The following RTN1 variants were observed in gnomAD, a reference collection of about 807,000 sequenced individuals.
RTN1 encodes reticulon 1, also known as reticulon-1.
RTN1 carries 25 observed loss-of-function variants against 65.5 expected under a neutral mutation model. The observed-to-expected ratio is 0.38, with a 90% CI of 0.28 to 0.53. The LOEUF is 0.53. Among genes scored for constraint, RTN1 ranks in the 20% least tolerant of loss-of-function variants. The pLI is 0.79. For missense variants in RTN1, 983 were observed against 1,025.4 expected (o/e 0.96, Z 0.57); for synonymous variants, 471 against 447.6 (o/e 1.05, Z -0.66).
At chr14:59,770,259 T>C (rs796668976) in intron 1 of RTN1, among the ~76,000 whole-genome samples, 53 of 151,012 alleles carry the variant, frequency 3.5e-4, no homozygotes, top group African/African-American at 1.1e-3. Flanking sequence ...ACGCCTGTAA[T>C]CCCAGCTACT....
intron 1 of RTN1, among the ~76,000 whole-genome samples, chr14:59,834,222 T>A (rs926444139): frequency 6.6e-6 from 1 of 152,110 alleles, no homozygotes; most frequent in East Asian, 1.9e-4. Context: ...ACTTAAAATA[T>A]GGACCTATAT....
intron 3 of RTN1, among the ~76,000 whole-genome samples, chr14:59,627,215 C>T (rs1594640002): frequency 6.6e-6 from 1 of 152,196 alleles, no homozygotes; most frequent in Non-Finnish European, 1.5e-5. Context: ...TAAGCCTACA[C>T]AATCACCATT....
intron 3 of RTN1, among the ~76,000 whole-genome samples, chr14:59,658,658 A>C (rs1268801135): frequency 6.6e-6 from 1 of 152,212 alleles, no homozygotes; most frequent in Non-Finnish European, 1.5e-5. Context: ...TTAGAAGGGA[A>C]GCTAACAAAC....
intron 2 of RTN1, among the ~76,000 whole-genome samples, chr14:59,742,180 G>T (rs1885128629): frequency 6.6e-6 from 1 of 152,212 alleles, no homozygotes; most frequent in Non-Finnish European, 1.5e-5. Context: ...AGCAATGGTA[G>T]TTTTCAAATT....
Position 59,772,125 on chromosome 14 carries a change from A to T in RTN1, c.242-25644T>A, listed in dbSNP as rs938852558. On this transcript the variant is annotated intron_variant, in intron 1 of 8. Transcript: ENST00000267484. ...CTGAGAATACATGCTACTGACTGAAAAATAAAGTTTTTAGTTAATCAACTG... is the reference window on the plus strand; with the variant it reads ...CTGAGAATACATGCTACTGACTGAATAATAAAGTTTTTAGTTAATCAACTG... Among the ~76,000 whole-genome samples the T allele has an allele frequency of 2.6e-5, 4 of 152,226 alleles. 1 individual carries two copies. Among genetic ancestry groups the T allele is most frequent in the African/African-American group, 9.6e-5 (4 of 41,460 alleles).
In RTN1 at chr14:59,836,463, T is replaced by C. The variant is rs1210484011; in HGVS notation, c.241+33927A>G. On this transcript the variant is annotated intron_variant, in intron 1 of 8. Transcript: ENST00000267484. This position sits in a 1 kb window ranked among gnomAD's most constrained non-coding sequence, Gnocchi z 4.9. ...ACTAATTTTTCCAGTTCTTACATCT[T>C]CTTTGTAAGTCATGCTTTTAAGAGG... Among the ~76,000 whole-genome samples the C allele has an allele frequency of 6.6e-6, 1 of 152,224 alleles. No individual in the cohort carries two copies. The highest frequency in any genetic ancestry group is 2.4e-5 in the African/African-American group (1 of 41,464).
chr14:59,753,981 C>T (rs574355747), intron 1 of RTN1, among the ~76,000 whole-genome samples: 1 of 152,208 alleles, frequency 6.6e-6, no homozygotes, highest in Non-Finnish European at 1.5e-5. Context: ...TGTTAACCTA[C>T]AGATGCCCTC....
At chr14:59,769,551 C>T (rs1229248330) in intron 1 of RTN1, among the ~76,000 whole-genome samples, 1 of 152,182 alleles carries the variant, frequency 6.6e-6, no homozygotes, top group Non-Finnish European at 1.5e-5. Context: ...TAAAACCAGA[C>T]CCACAGCAGA....
At chr14:59,647,152 A>C (rs1882915671) in intron 3 of RTN1, 1 of 152,226 alleles carries the variant, frequency 6.6e-6, no homozygotes, top group South Asian at 2.1e-4. Context: ...CAGGGGTTGC[A>C]ATCCCAATCT....
rs1213647108 is a variant in RTN1 at position 59,774,777 on chromosome 14, C to T, written c.242-28296G>A. ...GTGGTATGGTAAAATCAGCCAACAG[C>T]CAACTCACAACATCTCCCCAAGGAG... is the stretch of plus-strand genomic sequence containing the variant. On this transcript the variant is annotated intron_variant, in intron 1 of 8. Transcript: ENST00000267484. The surrounding 1 kb of genome is among the most constrained non-coding windows in gnomAD (Gnocchi z 5.1). Among the ~76,000 whole-genome samples the T allele has an allele frequency of 1.6e-4, 25 of 152,114 alleles. No individual in the cohort carries two copies. The highest frequency in any genetic ancestry group is 1.6e-3 in the Admixed American group (25 of 15,264).
rs1885309903 is a variant in RTN1 at position 59,749,192 on chromosome 14, ATATATCTATATATATATCTATATATATC to A, written c.242-2739_242-2712del. On this transcript the variant is annotated intron_variant, in intron 1 of 8. Transcript: ENST00000267484. ...TATATCTATCTATATATCTATCTAT[ATATATCTATATATATATCTATATATATC>A]TATATATCTATATATATCTATATAT... Among the ~76,000 whole-genome samples the A allele has an allele frequency of 7.9e-5, 7 of 88,208 alleles. 1 individual carries two copies. Among genetic ancestry groups the A allele is most frequent in the African/African-American group, 1.3e-4 (2 of 15,218 alleles). The allele number at this position is 88,208 out of a possible 152,430, so 57.9% of individuals were successfully genotyped here.
At chr14:59,661,696 C>T (rs944829400) in intron 3 of RTN1, among the ~76,000 whole-genome samples, 5 of 152,180 alleles carry the variant, frequency 3.3e-5, no homozygotes, top group Non-Finnish European at 7.3e-5. Flanking sequence ...CGATAAAATT[C>T]AACACCCCAT....
intron 1 of RTN1, among the ~76,000 whole-genome samples, chr14:59,858,342 G>A (rs140399625): frequency 1.2e-4 from 18 of 152,218 alleles, no homozygotes; most frequent in African/African-American, 4.1e-4. Flanking sequence ...ATTTTGAGAA[G>A]CCCTGATTTT....
At chr14:59,660,601 A>G (rs138555741) in intron 3 of RTN1, among the ~76,000 whole-genome samples, 2 of 152,334 alleles carry the variant, frequency 1.3e-5, no homozygotes, top group East Asian at 3.9e-4. Flanking sequence ...CCACACAACT[A>G]CATGGAAACT....
chr14:59,796,110 A>G (rs186632127), intron 1 of RTN1, among the ~76,000 whole-genome samples: 148 of 152,300 alleles, frequency 9.7e-4, no homozygotes, highest in Non-Finnish European at 1.8e-3. Flanking sequence ...TGGTCCCATA[A>G]GATTATAATA....
intron 1 of RTN1, among the ~76,000 whole-genome samples, chr14:59,764,873 T>C (rs1885819880): frequency 6.6e-6 from 1 of 152,182 alleles, no homozygotes; most frequent in African/African-American, 2.4e-5. Flanking sequence ...CTTATATTTT[T>C]AACAGTCAGT....
At chr14:59,778,990 GAA>G (rs1277788600) in intron 1 of RTN1, among the ~76,000 whole-genome samples, 2 of 152,136 alleles carry the variant, frequency 1.3e-5, no homozygotes, top group East Asian at 3.9e-4. Flanking sequence ...CCTGATTTCA[GAA>G]AAGTCACTCT....
At chr14:59,663,646 A>G (rs7147540) in intron 3 of RTN1, among the ~76,000 whole-genome samples, 1 of 151,402 alleles carries the variant, frequency 6.6e-6, no homozygotes, top group Non-Finnish European at 1.5e-5. Flanking sequence ...GAAAAAAAAA[A>G]CCATCAAAAA....
At chr14:59,782,485 C>T (rs1377823765) in intron 1 of RTN1, among the ~76,000 whole-genome samples, 1 of 152,186 alleles carries the variant, frequency 6.6e-6, no homozygotes, top group Non-Finnish European at 1.5e-5. Flanking sequence ...TTAGATAGTG[C>T]ACTTTTCCCC....
Sources: gnomAD v4.1 joint callset for allele counts (sites outside exome capture counted in the v4.1 genomes callset) on GRCh38, gnomAD v4.1.1 for gene constraint, Gnocchi (gnomAD v3.1) non-coding constraint, MANE v1.5 for transcripts, NCBI Gene and HGNC (gene_info 2026-07-23, HGNC 2026-07-21) for gene names.